DLC1: variants seen among roughly 807,000 people sequenced by gnomAD.
DLC1 encodes DLC1 Rho GTPase activating protein.
In DLC1, 54 loss-of-function variants were observed where a neutral mutation model predicts 140.3. The observed-to-expected ratio is 0.38, with a 90% confidence interval of 0.31 to 0.48. The LOEUF is 0.48. Ranked by LOEUF, DLC1 falls within the 20% of genes least tolerant of loss-of-function variation. DLC1 has a pLI of 0.96. For synonymous variants in DLC1, 986 were observed against 728.1 expected, an observed-to-expected ratio of 1.35 and a Z score of -5.70; for missense variants, 2,536 against 1,907.0, an observed-to-expected ratio of 1.33 and a Z score of -6.14.
intron 1 of DLC1, among the ~76,000 whole-genome samples, chr8:13,556,752 A>T (rs1804059941): frequency 1.3e-5 from 2 of 152,314 alleles, no homozygotes; most frequent in Middle Eastern, 3.4e-3. Flanking sequence ...CACAGTGCGA[A>T]AGTGGGAAAA....
intron 2 of DLC1, among the ~76,000 whole-genome samples, chr8:13,408,021 T>G (rs547302747): frequency 6.6e-6 from 1 of 152,250 alleles, no homozygotes; most frequent in Non-Finnish European, 1.5e-5. Context: ...GATTTTCATG[T>G]AAATTGACAG....
chr8:13,500,039 T>G lies in DLC1; in HGVS notation c.33A>C (p.Glu11Asp), dbSNP rs1563401954. The G allele has an allele frequency of 6.2e-7, 1 of 1,613,950 alleles. No individual in the cohort carries two copies. The highest frequency in any genetic ancestry group is 2.2e-5 in the East Asian group (1 of 44,866). The change falls in exon 2 of 18, where the codon GAA (glutamate) becomes GAC (aspartate). Residue 11 changes from glutamate to aspartate, a missense_variant. By Grantham distance (45) the Glu-to-Asp change is conservative. Coordinates refer to ENST00000276297, the MANE Select transcript of DLC1 (RefSeq NM_182643.3). ...GTCCCATCCAGTGGGTCACATGTTCTTCCCAGCTTCTCTTTCTGATAGCTA... is the reference window on the plus strand; with the variant it reads ...GTCCCATCCAGTGGGTCACATGTTCGTCCCAGCTTCTCTTTCTGATAGCTA... MSVAIRKRSW[E>D]EHVTHWMGQP...
chr8:13,240,612 T>G (rs1228080725), intron 5 of DLC1, among the ~76,000 whole-genome samples: 1 of 152,048 alleles, frequency 6.6e-6, no homozygotes, highest in East Asian at 1.9e-4. Context: ...TTTTTGATTT[T>G]TGTAGAGATG....
Position 13,361,882 on chromosome 8 carries a change from G to A in DLC1, c.1314+31671C>T, listed in dbSNP as rs7008792. 2.1e-3 allele frequency among the ~76,000 whole-genome samples: 325 copies of A among 152,300 alleles called. 2 individuals are homozygous for A. Among genetic ancestry groups the A allele is most frequent in the African/African-American group, 7.6e-3 (317 of 41,562 alleles). ...CTATAAGTAAGTCATGACATTAGGT[G>A]CTGGGCACTGGGCTAAATAGTGATC... On this transcript the variant is annotated intron_variant, in intron 4 of 17. Transcript: ENST00000276297.
chr8:13,422,728 C>T (rs1838375290), intron 2 of DLC1, among the ~76,000 whole-genome samples: 1 of 151,428 alleles, frequency 6.6e-6, no homozygotes, highest in South Asian at 2.1e-4. Context: ...ATAGTATACA[C>T]AAGAGATAAA....
chr8:13,098,701 G>T (rs1818719801), intron 9 of DLC1, 126 bp from the exon 10 acceptor site: 6 of 1,011,806 alleles, frequency 5.9e-6, no homozygotes, highest in Non-Finnish European at 8.4e-6. Flanking sequence ...CTGCAGCCTT[G>T]AACTCCTCAG....
chr8:13,488,355 A>T (rs541496441), intron 2 of DLC1, among the ~76,000 whole-genome samples: 3 of 152,302 alleles, frequency 2.0e-5, no homozygotes, highest in South Asian at 2.1e-4. Context: ...TAATTAATCA[A>T]ATACTAGCTA....
At chr8:13,453,408 A>ATATATATATATATTTTTTTTTTTTTTTT (rs1799173537) in intron 2 of DLC1, among the ~76,000 whole-genome samples, 1 of 52,346 alleles carries the variant, frequency 1.9e-5, no homozygotes, top group Admixed American at 2.8e-4. Context: ...ATATGTGTAT[A>ATATATATATATATTTTTTTTTTTTTTTT]TATATATATA....
In DLC1 at chr8:13,093,339, TG is replaced by T. The variant is rs964779449; in HGVS notation, c.3527-515del. The stretch of plus-strand genomic sequence containing the variant: ...TTAACTGATTTGTTCCTTCTTGAAG[TG>T]GGAAAAGCTGCTAAAATATTCAGTT... On this transcript the variant is annotated intron_variant, in intron 12 of 17. Transcript: ENST00000276297. 3.3e-5 allele frequency among the ~76,000 whole-genome samples: 5 copies of T among 152,034 alleles called. No homozygotes were observed. The South Asian group carries it at 8.3e-4, about 25-fold the overall frequency.
At chr8:13,438,734 C>G (rs1296631204) in intron 2 of DLC1, among the ~76,000 whole-genome samples, 2 of 152,180 alleles carry the variant, frequency 1.3e-5, no homozygotes, top group Non-Finnish European at 2.9e-5. Context: ...AGTTGTCTCT[C>G]TTTGCTCAAA....
intron 5 of DLC1, among the ~76,000 whole-genome samples, chr8:13,244,587 C>G (rs1208235416): frequency 6.6e-6 from 1 of 152,106 alleles, no homozygotes; most frequent in Non-Finnish European, 1.5e-5. Flanking sequence ...GCATGAGCCA[C>G]CACTCTTGGC....
chr8:13,500,973 C>G (rs917310480), intron 1 of DLC1, among the ~76,000 whole-genome samples: 1 of 152,184 alleles, frequency 6.6e-6, no homozygotes, highest in African/African-American at 2.4e-5. Flanking sequence ...GGTCCTGCTT[C>G]TAAGGCCCAG....
chr8:13,158,741 CCCCCCCG>C (rs201343467), intron 5 of DLC1, among the ~76,000 whole-genome samples: 6,199 of 101,012 alleles, frequency 0.061, 1,274 homozygotes, highest in African/African-American at 0.22. Context: ...CCTCCCCCCC[CCCCCCCG>C]CCCGCCACAC....
intron 1 of DLC1, among the ~76,000 whole-genome samples, chr8:13,565,269 C>T (rs1455803405): frequency 6.6e-6 from 1 of 152,016 alleles, no homozygotes; most frequent in Non-Finnish European, 1.5e-5. Flanking sequence ...GACAGATTAC[C>T]CCAGACATTT....
At chr8:13,314,451 T>C (rs955169834) in intron 4 of DLC1, among the ~76,000 whole-genome samples, 2 of 151,892 alleles carry the variant, frequency 1.3e-5, no homozygotes, top group Non-Finnish European at 2.9e-5. Context: ...ACAACATATA[T>C]TGTCAATCTA....
chr8:13,149,698 T>G (rs890045497), intron 5 of DLC1, among the ~76,000 whole-genome samples: 3 of 152,216 alleles, frequency 2.0e-5, no homozygotes, highest in Non-Finnish European at 4.4e-5. Flanking sequence ...AGAGAACCTG[T>G]GTACTTGGCC....
intron 4 of DLC1, among the ~76,000 whole-genome samples, chr8:13,347,766 G>A (rs900601088): frequency 6.6e-6 from 1 of 152,124 alleles, no homozygotes; most frequent in African/African-American, 2.4e-5. Context: ...AGTAAGTATA[G>A]GTAAGGTGCT....
intron 2 of DLC1, among the ~76,000 whole-genome samples, chr8:13,414,925 C>T (rs1837977159): frequency 6.6e-6 from 1 of 152,132 alleles, no homozygotes; most frequent in African/African-American, 2.4e-5. Flanking sequence ...ATATTCCTGC[C>T]TCAGCCTCCT....
At chr8:13,205,715 C>T (rs1277855257) in intron 5 of DLC1, among the ~76,000 whole-genome samples, 3 of 152,066 alleles carry the variant, frequency 2.0e-5, no homozygotes, top group African/African-American at 7.2e-5. Flanking sequence ...GTCCACAGGC[C>T]GTGGGTTGGA....
Sources: allele counts gnomAD v4.1 joint callset (sites outside exome capture counted in the v4.1 genomes callset), GRCh38; gene constraint gnomAD v4.1.1; transcripts MANE v1.5; gene names NCBI Gene and HGNC (gene_info 2026-07-23, HGNC 2026-07-21).